The following NRG1 variants were observed in gnomAD, a reference collection of about 807,000 sequenced individuals.
NRG1 encodes neuregulin 1.
A neutral mutation model predicts 63.8 loss-of-function variants in NRG1; 18 were observed. The observed-to-expected ratio is 0.28, with a 90% confidence interval of 0.19 to 0.42. NRG1 has a LOEUF of 0.42. Ranked by LOEUF, NRG1 falls within the 10% of genes least tolerant of loss-of-function variation. The pLI is 1.00. For missense variants in NRG1, 762 were observed against 814.7 expected (o/e 0.94, Z 0.79); for synonymous variants, 302 against 301.3 (o/e 1.00, Z -0.02).
chr8:32,548,958 C>G lies in NRG1; in HGVS notation c.100+132C>G, dbSNP rs947813855. On this transcript the variant is annotated intron_variant, in intron 1 of 11. Transcript: ENST00000356819. The stretch of plus-strand genomic sequence containing the variant: ...CTCTTCGCCCTGCGCTCTGAGCGCC[C>G]GTTGAGTCGCGCGGTGCTTCCCCTC... The G allele has an allele frequency of 3.2e-6, 4 of 1,238,544 alleles. No homozygotes were observed. The African/African-American group carries it at 4.7e-5, about 14-fold the overall frequency. 76.7% of individuals were successfully genotyped at this position (1,238,544 alleles called of 1,614,324 possible).
intron 1 of NRG1, among the ~76,000 whole-genome samples, chr8:32,490,592 A>C (rs1826439773): frequency 6.6e-6 from 1 of 152,204 alleles, no homozygotes; most frequent in South Asian, 2.1e-4. Context: ...ATGGAGCAGA[A>C]GCATAACTCA....
At chr8:32,303,825 C>T (rs998597524) in intron 1 of NRG1, among the ~76,000 whole-genome samples, 1 of 152,056 alleles carries the variant, frequency 6.6e-6, no homozygotes, top group Non-Finnish European at 1.5e-5. Flanking sequence ...CATGAAGAAA[C>T]CTAACACTCT....
chr8:32,253,979 A>G (rs1029099312), intron 1 of NRG1, among the ~76,000 whole-genome samples: 39 of 152,096 alleles, frequency 2.6e-4, no homozygotes, highest in African/African-American at 9.2e-4. Context: ...ATTTGCGTAG[A>G]GGTGTTTATA....
intron 5 of NRG1, among the ~76,000 whole-genome samples, chr8:32,685,719 G>A (rs1809934956): frequency 6.6e-6 from 1 of 152,152 alleles, no homozygotes; most frequent in Non-Finnish European, 1.5e-5. Flanking sequence ...TGACGCATAA[G>A]AGTAGAGGAA....
At chr8:31,723,424 A>G (rs1409013378) in intron 1 of NRG1, among the ~76,000 whole-genome samples, 1 of 152,028 alleles carries the variant, frequency 6.6e-6, no homozygotes, top group African/African-American at 2.4e-5. Flanking sequence ...TTTTCGTGTG[A>G]TTCCTCTCAC....
intron 1 of NRG1, among the ~76,000 whole-genome samples, chr8:32,471,526 G>T (rs1004305388): frequency 1.3e-5 from 2 of 152,082 alleles, no homozygotes; most frequent in Middle Eastern, 3.4e-3. Context: ...TTATTTAGAA[G>T]AATTTCTTAT....
At chr8:31,985,565 G>T (rs1271343547) in intron 1 of NRG1, among the ~76,000 whole-genome samples, 1 of 151,860 alleles carries the variant, frequency 6.6e-6, no homozygotes, top group Admixed American at 6.6e-5. Context: ...AGCTTCAAAT[G>T]ATTTTGATTT....
At chr8:32,056,317 C>T (rs1822930566) in intron 1 of NRG1, among the ~76,000 whole-genome samples, 2 of 152,148 alleles carry the variant, frequency 1.3e-5, no homozygotes, top group South Asian at 4.1e-4. Flanking sequence ...CCTGGCTGGC[C>T]TTGCCGAGAA....
At chr8:32,273,347 A>G (rs191694945) in intron 1 of NRG1, among the ~76,000 whole-genome samples, 1 of 152,302 alleles carries the variant, frequency 6.6e-6, no homozygotes, top group East Asian at 1.9e-4. Context: ...TTTTTCTGGC[A>G]CAAAAACAAT....
chr8:31,653,257 T>C (rs1224792990), intron 1 of NRG1, among the ~76,000 whole-genome samples: 1 of 152,084 alleles, frequency 6.6e-6, no homozygotes, highest in Non-Finnish European at 1.5e-5. Flanking sequence ...AATACTGACT[T>C]GTGGCAAGTA....
chr8:32,228,534 T>C (rs943894796), intron 1 of NRG1, among the ~76,000 whole-genome samples: 2 of 152,186 alleles, frequency 1.3e-5, no homozygotes, highest in East Asian at 3.8e-4. Context: ...CACGGTGGAA[T>C]CATTTATTAG....
intron 1 of NRG1, among the ~76,000 whole-genome samples, chr8:32,470,852 A>G (rs1263223844): frequency 6.6e-6 from 1 of 151,992 alleles, no homozygotes; most frequent in African/African-American, 2.4e-5. Context: ...CCAGTGGGGA[A>G]AGTGGCATGA....
At chr8:32,201,405 A>T (rs1479253652) in intron 1 of NRG1, among the ~76,000 whole-genome samples, 1 of 152,178 alleles carries the variant, frequency 6.6e-6, no homozygotes, top group Admixed American at 6.5e-5. Context: ...CCTCTCTCTT[A>T]TGAGAAATAT....
In NRG1 at chr8:31,732,899, C is replaced by CA. The variant is rs534597817; in HGVS notation, c.37+93474dup. 5.9e-3 allele frequency among the ~76,000 whole-genome samples: 902 copies of CA among 151,926 alleles called. 5 individuals are homozygous for CA. The highest frequency in any genetic ancestry group is 0.01 in the Middle Eastern group (3 of 294). ...TGGGTGTAAGAGTGAGACTCTGTCT[C>CA]AAAAAACAAAAAACAAGTATATTGT... On this transcript the variant is annotated intron_variant, in intron 1 of 10. Coordinates refer to the NRG1 transcript ENST00000519301.
At chr8:31,810,290 G>A (rs1822760056) in intron 1 of NRG1, among the ~76,000 whole-genome samples, 1 of 151,956 alleles carries the variant, frequency 6.6e-6, no homozygotes, top group Non-Finnish European at 1.5e-5. Context: ...TGTTTATTAT[G>A]TATTCAGCGG....
chr8:32,436,330 T>C (rs1818785729), intron 1 of NRG1, among the ~76,000 whole-genome samples: 1 of 152,328 alleles, frequency 6.6e-6, no homozygotes, highest in Non-Finnish European at 1.5e-5. Flanking sequence ...ATGGGAATTA[T>C]GGGAGCTACA....
At chr8:31,801,071 T>C (rs1737394562) in intron 1 of NRG1, among the ~76,000 whole-genome samples, 1 of 151,704 alleles carries the variant, frequency 6.6e-6, no homozygotes. Context: ...ATGGTCTCGA[T>C]CTCCTGACCT....
At chr8:32,670,704 A>G (rs1805413625) in intron 5 of NRG1, among the ~76,000 whole-genome samples, 1 of 152,202 alleles carries the variant, frequency 6.6e-6, no homozygotes, top group Non-Finnish European at 1.5e-5. Context: ...CCCCTAATAC[A>G]CAGAGGGTGC....
chr8:32,486,326 G>C (rs1825896763), intron 1 of NRG1, among the ~76,000 whole-genome samples: 2 of 152,104 alleles, frequency 1.3e-5, no homozygotes, highest in Non-Finnish European at 2.9e-5. Context: ...CAAATTCCAG[G>C]CACCTCCTGT....
Sources: allele counts gnomAD v4.1 joint callset (sites outside exome capture counted in the v4.1 genomes callset), GRCh38; gene constraint gnomAD v4.1.1; transcripts MANE v1.5; gene names NCBI Gene and HGNC (gene_info 2026-07-23, HGNC 2026-07-21).